The following SIRT5 variants were observed in gnomAD, a reference collection of about 807,000 sequenced individuals.
SIRT5 encodes sirtuin 5.
Under a neutral mutation model 40.0 loss-of-function variants are expected in SIRT5, and 26 were observed. The observed-to-expected ratio is 0.65, with a 90% CI of 0.48 to 0.90. The LOEUF is 0.90. Ranked by LOEUF, SIRT5 falls within the 40% of genes least tolerant of loss-of-function variation. SIRT5 has a pLI of 0.00. For missense variants in SIRT5, 401 were observed against 402.4 expected (o/e 1.00, Z 0.03); for synonymous variants, 146 against 149.1 (o/e 0.98, Z 0.15).
At chr6:13,588,512 T>C in intron 4 of SIRT5, 48 bp downstream of exon 4, 4 of 1,585,982 alleles carry the variant, frequency 2.5e-6, no homozygotes, top group Non-Finnish European at 2.6e-6. Flanking sequence ...AATGAAACCA[T>C]AACAGAGTTT....
chr6:13,598,272 A>T (rs142403164), intron 7 of SIRT5, among the ~76,000 whole-genome samples: 1 of 152,288 alleles, frequency 6.6e-6, no homozygotes, highest in East Asian at 1.9e-4. Context: ...CTGAGGTAGG[A>T]GGGAGTGAAA....
chr6:13,574,642 T>G lies in SIRT5; in HGVS notation c.-297T>G, dbSNP rs201728112. The G allele has an allele frequency of 1.3e-5, 2 of 152,262 alleles. No individual in the cohort carries two copies. Among genetic ancestry groups the G allele is most frequent in the Non-Finnish European group, 2.9e-5 (2 of 68,186 alleles). The allele number at this position is 152,262 out of a possible 1,614,324, so 9.4% of individuals were successfully genotyped here. ...TGCCCCAGGTGAGCCGTGGCTCAGGTCCGGAGCGCGGTCGGGACACAGCGC... is the reference window on the plus strand; with the variant it reads ...TGCCCCAGGTGAGCCGTGGCTCAGGGCCGGAGCGCGGTCGGGACACAGCGC... On this transcript the variant is annotated 5_prime_UTR_variant, in exon 1 of 10. Transcript: ENST00000606117.
At chr6:13,600,593 A>G (rs1762246741) in intron 8 of SIRT5, among the ~76,000 whole-genome samples, 2 of 152,212 alleles carry the variant, frequency 1.3e-5, no homozygotes, top group Non-Finnish European at 2.9e-5. Flanking sequence ...AGTCACTTCT[A>G]TGTCACTCTT....
intron 9 of SIRT5, chr6:13,604,503 T>C: frequency 6.3e-7 from 1 of 1,577,458 alleles, no homozygotes; most frequent in Non-Finnish European, 8.7e-7. Context: ...CATCTCTAAT[T>C]ATTATAAAGA....
intron 3 of SIRT5, 133 bp downstream of exon 3, chr6:13,584,358 C>T (rs1562263944): frequency 1.6e-5 from 8 of 508,806 alleles, no homozygotes; most frequent in African/African-American, 4.0e-5. Flanking sequence ...GTCATCTTCT[C>T]TTTTTTTTTT....
At chr6:13,580,446 C>G (rs1393977084) in intron 2 of SIRT5, among the ~76,000 whole-genome samples, 1 of 152,156 alleles carries the variant, frequency 6.6e-6, no homozygotes, top group African/African-American at 2.4e-5. Context: ...TCTGCTCCCC[C>G]TTACTCCCCC....
At chr6:13,602,500 CAAA>C (rs769882667) in intron 9 of SIRT5, among the ~76,000 whole-genome samples, 1 of 91,684 alleles carries the variant, frequency 1.1e-5, no homozygotes, top group Admixed American at 1.1e-4. Context: ...AACTCCGTCT[CAAA>C]AAAAAAAAAA....
At chr6:13,584,343 A>T in intron 3 of SIRT5, 118 bp downstream of exon 3, 2 of 725,488 alleles carry the variant, frequency 2.8e-6, no homozygotes, top group Admixed American at 2.5e-5. Context: ...GGAGAAAGCC[A>T]CTCTGTCATC....
chr6:13,610,754 TG>T (rs1216825437), intron 9 of SIRT5, among the ~76,000 whole-genome samples: 4 of 152,210 alleles, frequency 2.6e-5, no homozygotes, highest in Admixed American at 6.5e-5. Context: ...GCTCAGCACG[TG>T]GCAGGGGGCA....
In SIRT5 at chr6:13,607,093, A is replaced by G. The variant is rs1325648237; in HGVS notation, c.858-4697A>G. Among the ~76,000 whole-genome samples, 1 of 151,780 alleles carries G rather than the reference A, an allele frequency of 6.6e-6. No individual in the cohort carries two copies. The highest frequency in any genetic ancestry group is 2.4e-5 in the African/African-American group (1 of 41,280). On this transcript the variant is annotated intron_variant, in intron 9 of 9. Coordinates refer to ENST00000606117, the MANE Select transcript of SIRT5 (RefSeq NM_012241.5). The surrounding 1 kb of genome is among the most constrained non-coding windows in gnomAD (Gnocchi z 4.0). ...TCCATAATCTTCCTCGTGTTCCCCA[A>G]ATACCCCTGAAGATACGAATGACTC...
At chr6:13,585,910 T>C (rs1353436616) in intron 3 of SIRT5, among the ~76,000 whole-genome samples, 1 of 152,190 alleles carries the variant, frequency 6.6e-6, no homozygotes, top group Non-Finnish European at 1.5e-5. Context: ...ACCTGTTGTT[T>C]CCTGACTTTT....
intron 8 of SIRT5, among the ~76,000 whole-genome samples, chr6:13,600,476 T>C (rs1762230690): frequency 6.6e-6 from 1 of 152,268 alleles, no homozygotes; most frequent in Non-Finnish European, 1.5e-5. Context: ...TCGTATTTTC[T>C]ACCTTAAACA....
At position 13,574,703 on chromosome 6, in the gene SIRT5, C is replaced by T. The variant is rs2804925; in HGVS notation, c.-236C>T. 38,722 of 152,076 alleles carry T rather than the reference C, an allele frequency of 0.25. 5,036 individuals are homozygous for T. Among genetic ancestry groups the T allele is most frequent in the South Asian group, 0.3 (1,436 of 4,820 alleles). The allele number at this position is 152,076 out of a possible 1,614,324, so 9.4% of individuals were successfully genotyped here. Reference sequence around the variant, plus strand: ...AAGCCTGGAAGGCGCTCCGGGGGTACCCAGAGCTCTTAGCGGGCCGGCAGC... The same window carrying T: ...AAGCCTGGAAGGCGCTCCGGGGGTATCCAGAGCTCTTAGCGGGCCGGCAGC... On this transcript the variant is annotated 5_prime_UTR_variant, in exon 1 of 10. Coordinates refer to ENST00000606117, the MANE Select transcript of SIRT5 (RefSeq NM_012241.5).
chr6:13,594,420 C>G (rs1382752599), intron 5 of SIRT5, among the ~76,000 whole-genome samples: 4 of 151,754 alleles, frequency 2.6e-5, no homozygotes, highest in Non-Finnish European at 5.9e-5. Flanking sequence ...TGTCCCCCTC[C>G]TTCTTTCAGC....
intron 7 of SIRT5, among the ~76,000 whole-genome samples, chr6:13,598,227 G>T (rs1761860056): frequency 6.6e-6 from 1 of 152,188 alleles, no homozygotes; most frequent in South Asian, 2.1e-4. Flanking sequence ...AATGGTGTTT[G>T]GGGGATGGTT....
chr6:13,591,539 G>C (rs977932837), intron 4 of SIRT5, 130 bp from the exon 5 acceptor site: 1 of 715,090 alleles, frequency 1.4e-6, no homozygotes, highest in African/African-American at 1.8e-5. Flanking sequence ...TGAACATAGT[G>C]CTGCCATCTC....
At chr6:13,583,877 C>T (rs1012149668) in intron 2 of SIRT5, among the ~76,000 whole-genome samples, 199 bp from the exon 3 acceptor site, 10 of 152,038 alleles carry the variant, frequency 6.6e-5, no homozygotes, top group South Asian at 4.1e-4. Flanking sequence ...AGAACACAAA[C>T]GGAAAACAGC....
At chr6:13,593,739 G>T (rs1308821615) in intron 5 of SIRT5, among the ~76,000 whole-genome samples, 2 of 152,040 alleles carry the variant, frequency 1.3e-5, no homozygotes, top group Admixed American at 1.3e-4. Flanking sequence ...TTATCCCTTA[G>T]AATTATTCTA....
chr6:13,596,050 T>G (rs565642012), intron 6 of SIRT5, among the ~76,000 whole-genome samples: 130 of 152,242 alleles, frequency 8.5e-4, no homozygotes, highest in African/African-American at 3.0e-3. Context: ...AGAAATATTT[T>G]GCTCACAACT....
Sources: gnomAD v4.1 joint callset for allele counts (sites outside exome capture counted in the v4.1 genomes callset) on GRCh38, gnomAD v4.1.1 for gene constraint, Gnocchi (gnomAD v3.1) non-coding constraint, MANE v1.5 for transcripts, NCBI Gene and HGNC (gene_info 2026-07-23, HGNC 2026-07-21) for gene names.